The following NXPE2 variants were observed in gnomAD, a reference collection of about 807,000 sequenced individuals.
The protein encoded by NXPE2 is NXPE family member 2.
NXPE2 carries 34 observed loss-of-function variants against 34.4 expected under a neutral mutation model. The ratio of observed to expected loss-of-function variants is 0.99; its 90% CI spans 0.75 to 1.31. The LOEUF (loss-of-function observed/expected upper bound fraction) is 1.31, where lower values mean the gene tolerates loss of function less well. NXPE2 is among the 40% of genes most tolerant of loss of function. NXPE2 has a pLI of 0.00. For missense variants in NXPE2, 649 were observed against 672.5 expected (o/e 0.97, Z 0.39); for synonymous variants, 235 against 231.3 (o/e 1.02, Z -0.15).
At chr11:114,739,363 CCTCCCTCCCTCACTCA>C in the NXPE2 span, among the ~76,000 whole-genome samples, 6 of 80,560 alleles carry the variant, frequency 7.4e-5, no homozygotes, top group Non-Finnish European at 1.5e-4. Context: ...TCCCTCCCTC[CCTCCCTCCCTCACTCA>C]CTCCTTCCCT....
chr11:114,763,592 T>C, the NXPE2 span, among the ~76,000 whole-genome samples: 2 of 152,194 alleles, frequency 1.3e-5, no homozygotes, highest in Admixed American at 1.3e-4. Flanking sequence ...AGATTCTAGG[T>C]GTCTCAAGCA....
At chr11:114,655,694 T>C in the NXPE2 span, among the ~76,000 whole-genome samples, 1 of 152,226 alleles carries the variant, frequency 6.6e-6, no homozygotes, top group South Asian at 2.1e-4. Flanking sequence ...ATATCTGTTT[T>C]GGTAGCAGTA....
chr11:114,633,055 A>C, the NXPE2 span, among the ~76,000 whole-genome samples: 1 of 114,084 alleles, frequency 8.8e-6, no homozygotes, highest in East Asian at 2.4e-4. Context: ...TTGCATTATT[A>C]TTTTATATTT....
chr11:114,504,520 C>T, the NXPE2 span, among the ~76,000 whole-genome samples: 6 of 152,104 alleles, frequency 3.9e-5, no homozygotes, highest in Non-Finnish European at 7.4e-5. Flanking sequence ...GCTGTTGCTG[C>T]CACACCCTGG....
chr11:114,519,455 C>G, the NXPE2 span, among the ~76,000 whole-genome samples: 2 of 152,128 alleles, frequency 1.3e-5, no homozygotes, highest in Non-Finnish European at 2.9e-5. Context: ...AGTCTCTTTC[C>G]TCAAGATGTT....
chr11:114,524,978 AC>A, the NXPE2 span, among the ~76,000 whole-genome samples: 2 of 152,104 alleles, frequency 1.3e-5, no homozygotes, highest in African/African-American at 2.4e-5. Context: ...TTCTTGTATA[AC>A]AGCAGATAAT....
At chr11:114,536,816 G>A in the NXPE2 span, among the ~76,000 whole-genome samples, 1 of 152,168 alleles carries the variant, frequency 6.6e-6, no homozygotes, top group East Asian at 1.9e-4. Context: ...AAAAAGTCCA[G>A]GACCAGATGG....
the NXPE2 span, among the ~76,000 whole-genome samples, chr11:114,566,697 TTCTC>T: frequency 8.6e-5 from 13 of 150,370 alleles, no homozygotes; most frequent in East Asian, 9.7e-4. Flanking sequence ...ATCAAGGGAT[TTCTC>T]TCTCTCTCTC....
the NXPE2 span, chr11:114,523,008 T>A: frequency 1.2e-6 from 2 of 1,613,678 alleles, no homozygotes; most frequent in Non-Finnish European, 1.7e-6. Context: ...CAAAATGTTG[T>A]TATCCATTTT....
the NXPE2 span, among the ~76,000 whole-genome samples, chr11:114,789,269 C>T: frequency 0.01 from 1,535 of 152,026 alleles, 10 homozygotes; most frequent in African/African-American, 0.025. Context: ...CCTTGGTATA[C>T]GTATATTGAA....
chr11:114,681,336 A>G (rs1183889744), intron 2 of NXPE2, among the ~76,000 whole-genome samples: 2 of 152,212 alleles, frequency 1.3e-5, no homozygotes, highest in Non-Finnish European at 2.9e-5. Flanking sequence ...TTTGTGTTCA[A>G]GAATCTGAAA....
the NXPE2 span, among the ~76,000 whole-genome samples, chr11:114,661,661 A>G: frequency 1.3e-5 from 2 of 152,316 alleles, no homozygotes; most frequent in African/African-American, 4.8e-5. Flanking sequence ...AGGATTTTGC[A>G]TTATCTGTAT....
chr11:114,491,950 A>C, the NXPE2 span, among the ~76,000 whole-genome samples: 1 of 152,172 alleles, frequency 6.6e-6, no homozygotes, highest in African/African-American at 2.4e-5. Context: ...ATAGGTGGGA[A>C]TTGAACAATG....
At chr11:114,604,805 AC>A in the NXPE2 span, among the ~76,000 whole-genome samples, 1 of 151,992 alleles carries the variant, frequency 6.6e-6, no homozygotes, top group African/African-American at 2.4e-5. Flanking sequence ...CTCGCGGGTA[AC>A]CACTGTTACC....
the NXPE2 span, among the ~76,000 whole-genome samples, chr11:114,742,843 G>C: frequency 2.0e-5 from 3 of 152,148 alleles, no homozygotes; most frequent in Non-Finnish European, 4.4e-5. Context: ...GGGGTAGTGA[G>C]TGTTATCTCT....
At chr11:114,527,459 G>A in the NXPE2 span, among the ~76,000 whole-genome samples, 1 of 152,110 alleles carries the variant, frequency 6.6e-6, no homozygotes, top group Non-Finnish European at 1.5e-5. Flanking sequence ...TATAAAATTG[G>A]TAATTGCATC....
At chr11:114,792,331 C>T in the NXPE2 span, among the ~76,000 whole-genome samples, 2 of 152,162 alleles carry the variant, frequency 1.3e-5, no homozygotes, top group African/African-American at 4.8e-5. Flanking sequence ...TACATTTGGC[C>T]TCCTGCAAAC....
the NXPE2 span, chr11:114,571,165 C>T: frequency 6.2e-7 from 1 of 1,613,944 alleles, no homozygotes; most frequent in Non-Finnish European, 8.5e-7. Flanking sequence ...TTGATGATAA[C>T]CATAGTGTCT....
At chr11:114,537,283 AAAT>A in the NXPE2 span, among the ~76,000 whole-genome samples, 1 of 152,200 alleles carries the variant, frequency 6.6e-6, no homozygotes, top group Non-Finnish European at 1.5e-5. Context: ...ACATATCTCA[AAAT>A]AATAAGAGCT....
Sources: gnomAD v4.1 joint callset for allele counts (sites outside exome capture counted in the v4.1 genomes callset) on GRCh38, gnomAD v4.1.1 for gene constraint, MANE v1.5 for transcripts, NCBI Gene and HGNC (gene_info 2026-07-23, HGNC 2026-07-21) for gene names.